The following DENND3 variants were observed in gnomAD, a reference collection of about 807,000 sequenced individuals.
DENND3 encodes DENN domain containing 3.
In DENND3, 88 loss-of-function variants were observed where a neutral mutation model predicts 135.1. The ratio of observed to expected loss-of-function variants is 0.65; its 90% CI spans 0.55 to 0.78. The LOEUF is 0.78. Among genes scored for constraint, DENND3 ranks in the 30% least tolerant of loss-of-function variants. The pLI, the probability that DENND3 is intolerant of heterozygous loss-of-function variation, is 0.00. For synonymous variants in DENND3, 693 were observed against 712.3 expected (o/e 0.97, Z 0.43); for missense variants, 1,392 against 1,688.4 (o/e 0.82, Z 3.08).
intron 1 of DENND3, among the ~76,000 whole-genome samples, chr8:141,134,521 G>A (rs1296527908): frequency 6.6e-6 from 1 of 151,974 alleles, no homozygotes; most frequent in African/African-American, 2.4e-5. Flanking sequence ...CTGACCTCGT[G>A]ATCTGCCTCC....
At chr8:141,134,396 G>A (rs1224187164) in intron 1 of DENND3, among the ~76,000 whole-genome samples, 3 of 151,570 alleles carry the variant, frequency 2.0e-5, no homozygotes, top group East Asian at 3.9e-4. Flanking sequence ...CCGGGTTCAC[G>A]CCATTCTCCT....
chr8:141,142,621 C>T (rs1817601214), intron 4 of DENND3: 2 of 309,298 alleles, frequency 6.5e-6, no homozygotes, highest in South Asian at 2.3e-5. Context: ...GTGACTTGGT[C>T]GTAGCCAATG....
At chr8:141,133,306 G>A (rs1382549656) in intron 1 of DENND3, among the ~76,000 whole-genome samples, 1 of 136,566 alleles carries the variant, frequency 7.3e-6, no homozygotes, top group Non-Finnish European at 1.5e-5. Flanking sequence ...CTGCTCAGGG[G>A]TGCACTGTCC....
chr8:141,158,066 C>T, intron 8 of DENND3: 1 of 1,212,936 alleles, frequency 8.2e-7, no homozygotes, highest in Non-Finnish European at 1.1e-6. Flanking sequence ...AGTCGGAGAA[C>T]TACCTTTATT....
rs538880542 is a variant in DENND3, at chr8:141,138,569, G to A, written c.501+432G>A. The stretch of plus-strand genomic sequence containing the variant: ...CCCAGCTAATTTTTGTGTTTTTAGT[G>A]GAGACGGGGTTTCACCATGTTGGCC... On this transcript the variant is annotated intron_variant, in intron 3 of 22. Transcript: ENST00000519811. This position sits in a 1 kb window ranked among gnomAD's most constrained non-coding sequence, Gnocchi z 4.8. Among the ~76,000 whole-genome samples, 6 of 151,994 alleles carry A rather than the reference G, an allele frequency of 3.9e-5. No individual in the cohort carries two copies. The highest frequency in any genetic ancestry group is 2.6e-4 in the Admixed American group (4 of 15,246).
chr8:141,158,024 T>C, intron 8 of DENND3: 1 of 1,150,450 alleles, frequency 8.7e-7, no homozygotes, highest in Non-Finnish European at 1.1e-6. Flanking sequence ...CCTCCCAGAG[T>C]GCTCAGATTA....
chr8:141,150,805 G>T, intron 5 of DENND3, 29 bp from the exon 6 acceptor site: 1 of 1,574,342 alleles, frequency 6.4e-7, no homozygotes, highest in South Asian at 1.2e-5. Context: ...GCAGCTCTCT[G>T]AACTAATGAC....
intron 7 of DENND3, among the ~76,000 whole-genome samples, chr8:141,153,461 G>A (rs1250656135): frequency 6.6e-6 from 1 of 152,242 alleles, no homozygotes; most frequent in African/African-American, 2.4e-5. Flanking sequence ...GCCCCTCACA[G>A]TCCTCAGCCT....
rs771490304 is a variant in DENND3, at chr8:141,160,662, G to A, written c.1227G>A (p.Leu409=). 8.7e-6 allele frequency: 14 copies of A among 1,610,056 alleles called. No individual in the cohort carries two copies. The highest frequency in any genetic ancestry group is 1.0e-5 in the Non-Finnish European group (12 of 1,177,522). Residue 409 remains leucine (L), a synonymous_variant, in exon 9 of 23, where the codon CTG becomes CTA. Coordinates refer to ENST00000519811, the MANE Select transcript of DENND3 (RefSeq NM_001352890.3). The part of the protein sequence containing the change: ...RVQSLQLHHE[L]HAAHLLSSTD... ...AGAGCCTCCAGCTCCACCATGAGCTGCACGCCGCCCACCTCCTCTCCAGCA... is the reference window on the plus strand; with the variant it reads ...AGAGCCTCCAGCTCCACCATGAGCTACACGCCGCCCACCTCCTCTCCAGCA...
chr8:141,149,013 C>T (rs931141378), intron 5 of DENND3, among the ~76,000 whole-genome samples: 5 of 151,640 alleles, frequency 3.3e-5, no homozygotes, highest in South Asian at 4.2e-4. Context: ...TGGGTTTAGG[C>T]GATTTTCCTG....
intron 8 of DENND3, chr8:141,158,252 G>GAC: frequency 7.8e-7 from 1 of 1,289,416 alleles, no homozygotes; most frequent in Non-Finnish European, 1.0e-6. Context: ...CTTTGAAGGA[G>GAC]ACACGTGCTT....
At chr8:141,133,651 C>G (rs986080553) in intron 1 of DENND3, among the ~76,000 whole-genome samples, 2 of 151,930 alleles carry the variant, frequency 1.3e-5, no homozygotes, top group African/African-American at 2.4e-5. Flanking sequence ...GGGGCAGCAT[C>G]GAGCTGATGG....
chr8:141,170,681 C>T (rs1821433440), intron 13 of DENND3, among the ~76,000 whole-genome samples: 1 of 152,220 alleles, frequency 6.6e-6, no homozygotes, highest in South Asian at 2.1e-4. Flanking sequence ...TTCCATCGAG[C>T]TCCTGCGGAT....
chr8:141,178,478 C>T (rs1426009419), intron 16 of DENND3, among the ~76,000 whole-genome samples: 1 of 152,158 alleles, frequency 6.6e-6, no homozygotes, highest in Non-Finnish European at 1.5e-5. Context: ...TGTGGTGATT[C>T]GTAATTACAA....
chr8:141,178,197 G>A lies in DENND3; in HGVS notation c.2836+1G>A. ...TACTTTGATAAGATGAGTAACGAAA[G>A]TAAGATAAGCCCGTTCTTAGCGTGG... On this transcript the variant is annotated splice_donor_variant, in intron 16 of 22. Transcript: ENST00000519811. LOFTEE classifies it high-confidence loss of function. 1 of 1,608,916 alleles carries A rather than the reference G, an allele frequency of 6.2e-7. No individual in the cohort carries two copies.
chr8:141,163,594 A>C (rs1820404709), intron 10 of DENND3, among the ~76,000 whole-genome samples, 165 bp downstream of exon 10: 1 of 152,192 alleles, frequency 6.6e-6, no homozygotes, highest in Non-Finnish European at 1.5e-5. Context: ...TTTTTTAAAA[A>C]AATCAGCTTT....
chr8:141,174,269 T>C lies in DENND3; in HGVS notation c.2276-931T>C, dbSNP rs1413662503. On this transcript the variant is annotated intron_variant, in intron 13 of 22. Transcript: ENST00000519811. This position sits in a 1 kb window ranked among gnomAD's most constrained non-coding sequence, Gnocchi z 4.6. ...TGGGAGCGGGAACTCCTCTCTGCAT[T>C]TGAGAAAAGTGGCTCTGAGTGCCAC... 6.6e-6 allele frequency among the ~76,000 whole-genome samples: 1 copy of C among 152,006 alleles called. No homozygotes were observed. Among genetic ancestry groups the C allele is most frequent in the South Asian group, 2.1e-4 (1 of 4,818 alleles).
At chr8:141,148,987 C>T (rs1818471490) in intron 5 of DENND3, among the ~76,000 whole-genome samples, 1 of 151,804 alleles carries the variant, frequency 6.6e-6, no homozygotes, top group Non-Finnish European at 1.5e-5. Flanking sequence ...CTCGGCTCAC[C>T]GCAACCTCTA....
intron 5 of DENND3, among the ~76,000 whole-genome samples, chr8:141,145,847 ATATG>A (rs1569555492): frequency 1.8e-5 from 1 of 56,182 alleles, no homozygotes; most frequent in Non-Finnish European, 3.2e-5. Flanking sequence ...ATATATATAT[ATATG>A]TATTTTTTTT....
Sources: allele counts gnomAD v4.1 joint callset (sites outside exome capture counted in the v4.1 genomes callset), GRCh38; gene constraint gnomAD v4.1.1; non-coding constraint Gnocchi (gnomAD v3.1); transcripts MANE v1.5; gene names NCBI Gene and HGNC (gene_info 2026-07-23, HGNC 2026-07-21).